Variants in ITSN1 observed in about 807,000 individuals in gnomAD.
ITSN1 encodes intersectin 1.
In ITSN1, 58 loss-of-function variants were observed where a neutral mutation model predicts 239.8. The ratio of observed to expected loss-of-function variants is 0.24; its 90% CI spans 0.20 to 0.30. The LOEUF (loss-of-function observed/expected upper bound fraction) is 0.30. Ranked by LOEUF, ITSN1 falls within the 10% of genes least tolerant of loss-of-function variation. The probability of loss-of-function intolerance (pLI) is 1.00; values close to 1 mark genes in which losing one functional copy is unlikely to be tolerated. For missense variants in ITSN1, 1,558 were observed against 2,103.3 expected, an observed-to-expected ratio of 0.74 and a Z score of 5.07; for synonymous variants, 780 against 770.8, an observed-to-expected ratio of 1.01 and a Z score of -0.20.
chr21:33,759,992 A>T (rs1218909099), intron 8 of ITSN1, among the ~76,000 whole-genome samples: 1 of 152,086 alleles, frequency 6.6e-6, no homozygotes, highest in South Asian at 2.1e-4. Context: ...AGTCCCAGCT[A>T]TTCAGGAGGC....
intron 8 of ITSN1, among the ~76,000 whole-genome samples, chr21:33,756,157 G>A (rs563665184): frequency 6.6e-4 from 101 of 151,892 alleles, no homozygotes; most frequent in African/African-American, 2.1e-3. Context: ...AAAATTAGCC[G>A]GGTGTGGTGG....
chr21:33,752,838 A>G (rs1602018870), intron 7 of ITSN1, among the ~76,000 whole-genome samples: 1 of 151,984 alleles, frequency 6.6e-6, no homozygotes, highest in African/African-American at 2.4e-5. Flanking sequence ...AAAAAAAAAA[A>G]AGCTTTTGGA....
chr21:33,813,901 T>C lies in ITSN1; in HGVS notation c.2568-12T>C. 6.2e-7 allele frequency: 1 copy of C among 1,612,730 alleles called. No homozygotes were observed. The highest frequency in any genetic ancestry group is 8.5e-7 in the Non-Finnish European group (1 of 1,179,510). ...GTGCTTGTTATTCATGGTGTTGTGC[T>C]TTTCCCTCCAGGTGGCCCACCAGCA... On this transcript the variant is annotated splice_polypyrimidine_tract_variant and intron_variant, in intron 21 of 39. Transcript: ENST00000381318.
At chr21:33,845,071 C>T (rs955146544) in intron 29 of ITSN1, among the ~76,000 whole-genome samples, 5 of 151,874 alleles carry the variant, frequency 3.3e-5, no homozygotes, top group Middle Eastern at 3.2e-3. Context: ...GTCATAGGGC[C>T]GTGCTCAGCA....
intron 20 of ITSN1, among the ~76,000 whole-genome samples, chr21:33,803,655 G>T (rs1218922184): frequency 1.3e-5 from 2 of 152,208 alleles, no homozygotes; most frequent in African/African-American, 4.8e-5. Flanking sequence ...GGTTACCACT[G>T]GGCAGTAAAG....
Position 33,829,659 on chromosome 21 carries a change from G to A in ITSN1, c.3265G>A (p.Gly1089Ser), listed in dbSNP as rs760108413. The A allele has an allele frequency of 9.3e-6, 15 of 1,612,262 alleles. No homozygotes were observed. In the Admixed American group the frequency reaches 1.2e-4, roughly 13 times the overall value. ...AQVIASYTAT[G>S]PEQLTLAPGQ... ...GGTTATTGCCTCATACACCGCCACC[G>A]GCCCCGAGCAGCTCACTCTCGCCCC... Residue 1089 changes from glycine (G) to serine (S), a missense_variant, in exon 27 of 40, where the codon GGC becomes AGC. Gly to Ser is a moderately conservative substitution (Grantham distance 56). Coordinates refer to ENST00000381318, the MANE Select transcript of ITSN1 (RefSeq NM_003024.3).
chr21:33,861,991 T>TAAAAAAAAAA (rs776558259), intron 31 of ITSN1, among the ~76,000 whole-genome samples: 1 of 58,168 alleles, frequency 1.7e-5, no homozygotes, highest in African/African-American at 7.1e-5. Context: ...TCATCTCTAC[T>TAAAAAAAAAA]AAAAAAAAAA....
chr21:33,652,278 T>C (rs1235562113), intron 1 of ITSN1, among the ~76,000 whole-genome samples: 1 of 152,134 alleles, frequency 6.6e-6, no homozygotes, highest in Non-Finnish European at 1.5e-5. Flanking sequence ...CTTATAGTTA[T>C]TTAGGAGAAT....
Position 33,865,281 on chromosome 21 carries a change from G to A in ITSN1, c.4021G>A (p.Ala1341Thr), listed in dbSNP as rs1251151046. The A allele has an allele frequency of 6.2e-7, 1 of 1,602,438 alleles. No individual in the cohort carries two copies. ...CTGCAGCCGCCAGCTCAACGGGGCTGCCCTGATCCAGCAGAAGACGGATGA... is the reference window on the plus strand; with the variant it reads ...CTGCAGCCGCCAGCTCAACGGGGCTACCCTGATCCAGCAGAAGACGGATGA... ...RFCSRQLNGAALIQQKTDEAP... is the reference protein window; with the variant it reads ...RFCSRQLNGATLIQQKTDEAP... The change falls in exon 32 of 40, where the codon GCC becomes ACC. Residue 1341 changes from alanine to threonine, a missense_variant. Ala to Thr is a moderately conservative substitution (Grantham distance 58). Transcript: ENST00000381318. The surrounding 1 kb of genome is among the most constrained non-coding windows in gnomAD (Gnocchi z 4.4).
rs145312056 is a variant in ITSN1, at chr21:33,762,700, A to G, written c.788+714A>G. 7.5e-3 allele frequency among the ~76,000 whole-genome samples: 1,117 copies of G among 149,166 alleles called. 15 individuals are homozygous for G. The highest frequency in any genetic ancestry group is 0.027 in the African/African-American group (1,063 of 40,052). On this transcript the variant is annotated intron_variant, in intron 9 of 39. Transcript: ENST00000381318. ...ATTATTACTTTTGAGATGGAGTCTC[A>G]CTCTTTCATCCAGATGGCAGTGGTG... is the stretch of plus-strand genomic sequence containing the variant.
chr21:33,767,170 AAAAAT>A (rs904213656), intron 10 of ITSN1, among the ~76,000 whole-genome samples: 38 of 152,308 alleles, frequency 2.5e-4, no homozygotes, highest in Non-Finnish European at 3.7e-4. Flanking sequence ...CTTTGTCTCA[AAAAAT>A]AAAATAAAAT....
intron 4 of ITSN1, among the ~76,000 whole-genome samples, chr21:33,730,996 G>A (rs1300753397): frequency 6.6e-6 from 1 of 152,264 alleles, no homozygotes; most frequent in Admixed American, 6.5e-5. Context: ...GCGCCCAGCC[G>A]TAACTACCAT....
intron 34 of ITSN1, among the ~76,000 whole-genome samples, chr21:33,877,825 TTGTGTGTG>T (rs3835379): frequency 0.078 from 11,464 of 147,234 alleles, 515 homozygotes; most frequent in East Asian, 0.093. Context: ...TGTTTCTATT[TTGTGTGTG>T]TGTGTGTGTG....
chr21:33,791,153 A>G (rs1323944732), intron 16 of ITSN1, among the ~76,000 whole-genome samples: 1 of 152,234 alleles, frequency 6.6e-6, no homozygotes, highest in Non-Finnish European at 1.5e-5. Context: ...ATGTTGATTC[A>G]TGCCATAGTA....
intron 1 of ITSN1, among the ~76,000 whole-genome samples, chr21:33,704,436 A>G (rs1481691883): frequency 1.3e-5 from 2 of 152,182 alleles, no homozygotes; most frequent in South Asian, 2.1e-4. Flanking sequence ...TCTTTGGTGA[A>G]GTTCGTATTC....
At chr21:33,744,102 G>A (rs2067034994) in intron 5 of ITSN1, among the ~76,000 whole-genome samples, 1 of 152,196 alleles carries the variant, frequency 6.6e-6, no homozygotes, top group Non-Finnish European at 1.5e-5. Context: ...GAGGAGGAGA[G>A]AGTATCGGAT....
chr21:33,836,366 T>G (rs2074603388), intron 28 of ITSN1, 75 bp from the exon 29 acceptor site: 1 of 1,095,864 alleles, frequency 9.1e-7, no homozygotes, highest in Admixed American at 2.8e-5. Flanking sequence ...GCTGGGAATG[T>G]TGAATGGCTG....
intron 34 of ITSN1, among the ~76,000 whole-genome samples, chr21:33,879,994 T>C (rs555502678): frequency 1.3e-5 from 2 of 152,352 alleles, no homozygotes; most frequent in East Asian, 3.9e-4. Flanking sequence ...TCTTGTGCTT[T>C]GATTTTTTCA....
At chr21:33,828,943 C>T (rs768438466) in intron 26 of ITSN1, 1 of 470,974 alleles carries the variant, frequency 2.1e-6, no homozygotes. Flanking sequence ...ATTGTTTTTG[C>T]ATAAAGTTCC....
Sources: allele counts gnomAD v4.1 joint callset (sites outside exome capture counted in the v4.1 genomes callset), GRCh38; gene constraint gnomAD v4.1.1; non-coding constraint Gnocchi (gnomAD v3.1); transcripts MANE v1.5; gene names NCBI Gene and HGNC (gene_info 2026-07-23, HGNC 2026-07-21).